The following COL21A1 variants were observed in gnomAD, a reference collection of about 807,000 sequenced individuals.
COL21A1 encodes the protein collagen type XXI alpha 1 chain, also known as collagen alpha-1(XXI) chain.
In COL21A1, 149 loss-of-function variants were observed where a neutral mutation model predicts 137.9. The observed-to-expected ratio is 1.08, with a 90% confidence interval of 0.95 to 1.24. The LOEUF is 1.24. COL21A1 is among the 50% of genes most tolerant of loss of function. COL21A1 has a pLI of 0.00. For missense variants in COL21A1, 1,167 were observed against 1,158.4 expected (o/e 1.01, Z -0.11); for synonymous variants, 456 against 391.5 (o/e 1.16, Z -1.95).
intron 17 of COL21A1, among the ~76,000 whole-genome samples, chr6:56,086,730 G>GT (rs1301858440): frequency 2.6e-5 from 4 of 152,074 alleles, no homozygotes; most frequent in Non-Finnish European, 4.4e-5. Context: ...ATTTCTGCCC[G>GT]ATTTTTTGCT....
intron 3 of COL21A1, among the ~76,000 whole-genome samples, chr6:56,175,609 C>T (rs1334265060): frequency 6.6e-6 from 1 of 151,786 alleles, no homozygotes; most frequent in African/African-American, 2.4e-5. Flanking sequence ...CTGAAAACTA[C>T]AAAACATTGA....
intron 1 of COL21A1, among the ~76,000 whole-genome samples, chr6:56,337,683 A>G (rs2152344588): frequency 6.6e-6 from 1 of 152,334 alleles, no homozygotes; most frequent in Admixed American, 6.5e-5. Flanking sequence ...ATGCATGTGT[A>G]ACTGTGTCTA....
chr6:56,321,959 T>C (rs1214242030), intron 1 of COL21A1, among the ~76,000 whole-genome samples: 3 of 152,148 alleles, frequency 2.0e-5, no homozygotes, highest in African/African-American at 4.8e-5. Context: ...TCTCTTATTC[T>C]ATGCAACAAC....
At chr6:56,378,451 G>A (rs1000146433) in intron 1 of COL21A1, among the ~76,000 whole-genome samples, 4 of 152,182 alleles carry the variant, frequency 2.6e-5, no homozygotes, top group Non-Finnish European at 5.9e-5. Flanking sequence ...AGTACTCCCT[G>A]TGGGCCTGCC....
chr6:56,361,812 A>T (rs760755717), intron 1 of COL21A1, among the ~76,000 whole-genome samples: 11 of 152,120 alleles, frequency 7.2e-5, no homozygotes, highest in African/African-American at 2.7e-4. Context: ...TACAACATAA[A>T]CAACACAAAG....
intron 1 of COL21A1, among the ~76,000 whole-genome samples, chr6:56,296,468 C>T (rs368757272): frequency 3.1e-4 from 47 of 151,882 alleles, no homozygotes; most frequent in African/African-American, 1.1e-3. Context: ...TCTCCAATTA[C>T]CTCATATCTA....
chr6:56,174,990 G>C (rs1429962387), intron 3 of COL21A1, among the ~76,000 whole-genome samples: 1 of 152,072 alleles, frequency 6.6e-6, no homozygotes, highest in Non-Finnish European at 1.5e-5. Flanking sequence ...CAGGATGAAA[G>C]AGTTTGACAT....
chr6:56,112,746 G>A lies in COL21A1; in HGVS notation c.1759-11221C>T, dbSNP rs1025552570. ...GTTAGCCAGGCTGGAGTGCAATGGC[G>A]TGATTCCGGCTCACTGCAACCTCCG... On this transcript the variant is annotated intron_variant, in intron 16 of 29. Transcript: ENST00000244728. Among the ~76,000 whole-genome samples the A allele has an allele frequency of 9.5e-5, 14 of 147,898 alleles. No homozygotes were observed. The East Asian group carries it at 2.6e-3, about 27-fold the overall frequency.
chr6:56,354,070 C>T (rs1765777720), intron 1 of COL21A1, among the ~76,000 whole-genome samples: 1 of 152,294 alleles, frequency 6.6e-6, no homozygotes, highest in Admixed American at 6.5e-5. Flanking sequence ...ACTATTGCTA[C>T]ACTCAAGAAC....
intron 10 of COL21A1, among the ~76,000 whole-genome samples, chr6:56,149,689 T>A (rs933923609): frequency 6.6e-6 from 1 of 152,022 alleles, no homozygotes; most frequent in East Asian, 1.9e-4. Flanking sequence ...TCTCTTTCTC[T>A]CAAACCCATA....
chr6:56,330,089 T>C (rs1317251780), intron 1 of COL21A1, among the ~76,000 whole-genome samples: 1 of 152,156 alleles, frequency 6.6e-6, no homozygotes, highest in Non-Finnish European at 1.5e-5. Context: ...CTTGGTTTTC[T>C]ATATTGTGAA....
intron 1 of COL21A1, among the ~76,000 whole-genome samples, chr6:56,262,278 G>A (rs544565373): frequency 2.6e-5 from 4 of 152,248 alleles, no homozygotes; most frequent in Non-Finnish European, 4.4e-5. Context: ...TCTCAACTTA[G>A]ACCATCCTCT....
At chr6:56,233,130 A>G (rs1781687655) in intron 1 of COL21A1, among the ~76,000 whole-genome samples, 1 of 151,786 alleles carries the variant, frequency 6.6e-6, no homozygotes, top group Non-Finnish European at 1.5e-5. Flanking sequence ...CTTAGACTAG[A>G]CTGACAAGAC....
chr6:56,384,964 G>A (rs895622741), intron 1 of COL21A1, among the ~76,000 whole-genome samples: 3 of 152,206 alleles, frequency 2.0e-5, no homozygotes, highest in Non-Finnish European at 4.4e-5. Flanking sequence ...AGACACTTCC[G>A]AGATGCTATG....
intron 1 of COL21A1, among the ~76,000 whole-genome samples, chr6:56,192,162 A>G (rs1778728329): frequency 6.6e-6 from 1 of 152,132 alleles, no homozygotes; most frequent in South Asian, 2.1e-4. Context: ...GAAAAGTGAA[A>G]CTGGACCCCT....
chr6:56,236,278 C>T (rs1261272343), intron 1 of COL21A1, among the ~76,000 whole-genome samples: 1 of 151,926 alleles, frequency 6.6e-6, no homozygotes, highest in Non-Finnish European at 1.5e-5. Context: ...CCAGAGTACA[C>T]AACTAGGTCT....
intron 10 of COL21A1, among the ~76,000 whole-genome samples, chr6:56,147,181 T>C (rs1164815470): frequency 6.6e-6 from 1 of 152,114 alleles, no homozygotes; most frequent in Non-Finnish European, 1.5e-5. Flanking sequence ...AAATCTCTAG[T>C]AATTGTGCTT....
At chr6:56,127,198 C>T (rs1003253543) in intron 12 of COL21A1, among the ~76,000 whole-genome samples, 1 of 152,212 alleles carries the variant, frequency 6.6e-6, no homozygotes, top group Non-Finnish European at 1.5e-5. Flanking sequence ...CCCCTTAATC[C>T]TCAATTACAG....
chr6:56,246,496 C>G (rs529450148), intron 1 of COL21A1, among the ~76,000 whole-genome samples: 2 of 151,502 alleles, frequency 1.3e-5, no homozygotes, highest in African/African-American at 4.8e-5. Flanking sequence ...ATGGGCAAAA[C>G]TCTACTAATA....
Sources: allele counts gnomAD v4.1 joint callset (sites outside exome capture counted in the v4.1 genomes callset), GRCh38; gene constraint gnomAD v4.1.1; transcripts MANE v1.5; gene names NCBI Gene and HGNC (gene_info 2026-07-23, HGNC 2026-07-21).